The following SLC25A38 variants were observed in gnomAD, a reference collection of about 807,000 sequenced individuals.
SLC25A38 encodes solute carrier family 25 member 38.
Under a neutral mutation model 33.4 loss-of-function variants are expected in SLC25A38, and 27 were observed. That is an observed-to-expected ratio of 0.81 (90% CI 0.60 to 1.11). SLC25A38 has a LOEUF of 1.11. SLC25A38 is among the 50% of genes most tolerant of loss of function. SLC25A38 has a pLI of 0.00. For synonymous variants in SLC25A38, 123 were observed against 145.9 expected (o/e 0.84, Z 1.13); for missense variants, 344 against 388.8 (o/e 0.88, Z 0.97).
chr3:39,392,138 A>G (rs1473173625), intron 5 of SLC25A38, 117 bp downstream of exon 5: 2 of 1,353,146 alleles, frequency 1.5e-6, no homozygotes, highest in Non-Finnish European at 2.1e-6. Flanking sequence ...ACTGAGCCAT[A>G]TCATGATTGT....
chr3:39,385,550 A>C (rs1352402887), intron 1 of SLC25A38, among the ~76,000 whole-genome samples: 1 of 152,098 alleles, frequency 6.6e-6, no homozygotes, highest in Non-Finnish European at 1.5e-5. Context: ...AGGGGCCTGG[A>C]GAGAGGTGGG....
Position 39,396,681 on chromosome 3 carries a change from A to G in SLC25A38, c.*161A>G, listed in dbSNP as rs2041834377. ...AGTAATCCCCTTAAGGAGAAAATAT[A>G]TGGACCTGATTTCAGCCTTCAGAAT... On this transcript the variant is annotated 3_prime_UTR_variant, in exon 7 of 7. Coordinates refer to ENST00000650617, the MANE Select transcript of SLC25A38 (RefSeq NM_017875.4). 1 of 1,108,048 alleles carries G rather than the reference A, an allele frequency of 9.0e-7. No homozygotes were observed. The highest frequency in any genetic ancestry group is 1.3e-6 in the Non-Finnish European group (1 of 752,030). 68.6% of individuals were successfully genotyped at this position (1,108,048 alleles called of 1,614,324 possible). A position where few individuals can be genotyped will look rare whatever the true frequency, so the allele number is the denominator to read the frequency against.
rs1286175778 is a variant in SLC25A38, at chr3:39,389,634, T to C, written c.191+18T>C. ...GATCATGGGTAGGCCCTGCATTTCATTGGGGAACTGATTTCAGCAACTTCT... is the reference window on the plus strand; with the variant it reads ...GATCATGGGTAGGCCCTGCATTTCACTGGGGAACTGATTTCAGCAACTTCT... On this transcript the variant is annotated intron_variant, in intron 2 of 6. Transcript: ENST00000650617. This position sits in a 1 kb window ranked among gnomAD's most constrained non-coding sequence, Gnocchi z 4.5. 9.9e-6 allele frequency: 16 copies of C among 1,614,068 alleles called. No individual in the cohort carries two copies. The highest frequency in any genetic ancestry group is 5.3e-5 in the African/African-American group (4 of 74,942).
chr3:39,391,464 C>T lies in SLC25A38; in HGVS notation c.300C>T (p.Gly100=), dbSNP rs1376794834. ...MSPSIVRCVP[G]VGIYFGTLYS... ...AGTCCATTGTGAGATGTGTCCCTGGCGTTGGAATCTACTTTGGCACTCTCT... is the reference window on the plus strand; with the variant it reads ...AGTCCATTGTGAGATGTGTCCCTGGTGTTGGAATCTACTTTGGCACTCTCT... Residue 100 remains glycine, a synonymous_variant, in exon 4 of 7, where the codon GGC becomes GGT. Transcript: ENST00000650617. 19 of 1,613,882 alleles carry T rather than the reference C, an allele frequency of 1.2e-5. No individual in the cohort carries two copies. Among genetic ancestry groups the T allele is most frequent in the Admixed American group, 5.0e-5 (3 of 60,024 alleles).
Position 39,383,551 on chromosome 3 carries a change from G to A in SLC25A38, c.-174G>A. 2 of 673,462 alleles carry A rather than the reference G, an allele frequency of 3.0e-6. No homozygotes were observed. The highest frequency in any genetic ancestry group is 1.8e-5 in the South Asian group (1 of 55,606). The allele number at this position is 673,462 out of a possible 1,614,324, so 41.7% of individuals were successfully genotyped here. On this transcript the variant is annotated 5_prime_UTR_variant, in exon 1 of 7. Coordinates refer to ENST00000650617, the MANE Select transcript of SLC25A38 (RefSeq NM_017875.4). ...CGCGCCCGCAGCCCCTGGACTAGCA[G>A]GATCCGAACCCCGGCGGCTGCGTGC... is the stretch of plus-strand genomic sequence containing the variant.
Position 39,389,443 on chromosome 3 carries a change from G to A in SLC25A38, c.70-52G>A. ...AATTTGCTGGTCAGGTATAGAGAAA[G>A]GTGAGGCTCACACAGGCAGAGCTAC... is the stretch of plus-strand genomic sequence containing the variant. On this transcript the variant is annotated intron_variant, in intron 1 of 6. Coordinates refer to ENST00000650617, the MANE Select transcript of SLC25A38 (RefSeq NM_017875.4). The surrounding 1 kb of genome is among the most constrained non-coding windows in gnomAD (Gnocchi z 4.5). The A allele has an allele frequency of 6.2e-7, 1 of 1,614,094 alleles. No homozygotes were observed. The highest frequency in any genetic ancestry group is 2.2e-5 in the East Asian group (1 of 44,886).
chr3:39,390,075 G>C (rs1048743466), intron 2 of SLC25A38, among the ~76,000 whole-genome samples: 8 of 152,122 alleles, frequency 5.3e-5, no homozygotes, highest in Admixed American at 2.6e-4. Context: ...CAGGTAGCTG[G>C]GATTGCAGGT....
chr3:39,389,402 G>C lies in SLC25A38; in HGVS notation c.70-93G>C. ...GAGGCACCACCAGGTAAGTGTCTAA[G>C]AGACCATTATAAAGGAATTTGCTGG... On this transcript the variant is annotated intron_variant, in intron 1 of 6. Coordinates refer to ENST00000650617, the MANE Select transcript of SLC25A38 (RefSeq NM_017875.4). The surrounding 1 kb of genome is among the most constrained non-coding windows in gnomAD (Gnocchi z 4.5). 6.3e-7 allele frequency: 1 copy of C among 1,596,016 alleles called. No homozygotes were observed. Among genetic ancestry groups the C allele is most frequent in the Non-Finnish European group, 8.6e-7 (1 of 1,164,952 alleles).
At chr3:39,386,440 G>A (rs988199724) in intron 1 of SLC25A38, among the ~76,000 whole-genome samples, 1 of 152,140 alleles carries the variant, frequency 6.6e-6, no homozygotes, top group African/African-American at 2.4e-5. Context: ...TGGGCACGGT[G>A]ACACACACCT....
In SLC25A38 at chr3:39,397,134, T is replaced by C. The variant is rs1208507525; in HGVS notation, c.*614T>C. On this transcript the variant is annotated 3_prime_UTR_variant, in exon 7 of 7. Coordinates refer to ENST00000650617, the MANE Select transcript of SLC25A38 (RefSeq NM_017875.4). ...TTTTTGGTCTTGGCCCCTGTACTGT[T>C]TTACCTCTAAATTCTGGCATTTTTT... is the stretch of plus-strand genomic sequence containing the variant. 6.5e-6 allele frequency: 1 copy of C among 154,058 alleles called. No individual in the cohort carries two copies. The highest frequency in any genetic ancestry group is 1.9e-4 in the East Asian group (1 of 5,246). 9.5% of individuals were successfully genotyped at this position (154,058 alleles called of 1,614,324 possible). A position where few individuals can be genotyped will look rare whatever the true frequency, so the allele number is the denominator to read the frequency against.
chr3:39,384,805 T>A (rs2041691521), intron 1 of SLC25A38: 2 of 134,856 alleles, frequency 1.5e-5, no homozygotes, highest in East Asian at 1.0e-4. Context: ...TCTTTTTTCT[T>A]TTTTTTTTTT....
chr3:39,383,736 C>T lies in SLC25A38; in HGVS notation c.12C>T (p.Asn4=), dbSNP rs142420345. MIQ[N]SRPSLLQPQD... ...GGGCCTCATCTCCAATGATTCAGAA[C>T]TCACGTCCGTCGCTGCTGCAACCCC... Residue 4 remains asparagine, a synonymous_variant, in exon 1 of 7, where the codon AAC becomes AAT. Transcript: ENST00000650617. 6.9e-4 allele frequency: 1,112 copies of T among 1,614,194 alleles called. 3 individuals are homozygous for T. Among genetic ancestry groups the T allele is most frequent in the Middle Eastern group, 6.3e-3 (38 of 6,062 alleles).
intron 1 of SLC25A38, among the ~76,000 whole-genome samples, chr3:39,385,270 C>T (rs11914446): frequency 0.013 from 1,928 of 152,188 alleles, 42 homozygotes; most frequent in African/African-American, 0.044. Flanking sequence ...TAAATAACAT[C>T]TGCTCTGTGC....
intron 1 of SLC25A38, 49 bp downstream of exon 1, chr3:39,383,842 G>T (rs767296586): frequency 6.2e-7 from 1 of 1,605,474 alleles, no homozygotes; most frequent in East Asian, 2.2e-5. Flanking sequence ...CCGCGGGCTC[G>T]GGCCGGAGAA....
chr3:39,383,805 G>A lies in SLC25A38; in HGVS notation c.69+12G>A, dbSNP rs1057522681. ...TGGAAACGCTTATGGTGAGGGCACT[G>A]CGGGGAAGGAAGGGCAGGGGTCCGA... On this transcript the variant is annotated intron_variant, in intron 1 of 6. Transcript: ENST00000650617. 1.9e-6 allele frequency: 3 copies of A among 1,613,968 alleles called. No homozygotes were observed. The highest frequency in any genetic ancestry group is 1.6e-4 in the Middle Eastern group (1 of 6,082).
chr3:39,392,411 G>A (rs1031154771), intron 5 of SLC25A38, among the ~76,000 whole-genome samples: 7 of 152,090 alleles, frequency 4.6e-5, no homozygotes, highest in Admixed American at 1.3e-4. Flanking sequence ...TTTTCAAGAC[G>A]CACTTGATGT....
chr3:39,383,914 G>C, intron 1 of SLC25A38, 121 bp downstream of exon 1: 1 of 1,102,652 alleles, frequency 9.1e-7, no homozygotes, highest in Non-Finnish European at 1.4e-6. Context: ...TCAGGATTTA[G>C]GATGCGGCGG....
Position 39,389,253 on chromosome 3 carries a change from A to G in SLC25A38, c.70-242A>G. On this transcript the variant is annotated intron_variant, in intron 1 of 6. Transcript: ENST00000650617. The surrounding 1 kb of genome is among the most constrained non-coding windows in gnomAD (Gnocchi z 4.5). ...GGAAATAGTTTTGCTCCCACTGAGC[A>G]ATATGTCTATCAGCAATACGAAGAC... 1 of 709,370 alleles carries G rather than the reference A, an allele frequency of 1.4e-6. No homozygotes were observed. Among genetic ancestry groups the G allele is most frequent in the East Asian group, 2.7e-5 (1 of 37,220 alleles). 43.9% of individuals were successfully genotyped at this position (709,370 alleles called of 1,614,324 possible).
Position 39,383,696 on chromosome 3 carries a change from GC to G in SLC25A38, c.-26del. 1 of 1,613,806 alleles carries G rather than the reference GC, an allele frequency of 6.2e-7. No homozygotes were observed. The highest frequency in any genetic ancestry group is 8.5e-7 in the Non-Finnish European group (1 of 1,179,786). On this transcript the variant is annotated 5_prime_UTR_variant, in exon 1 of 7. Transcript: ENST00000650617. ...CAAGCGCCCGTCGACGGCACCCTGG[GC>G]CCAGAGGACTCGCGGGCCTCATCTC...
Sources: allele counts gnomAD v4.1 joint callset (sites outside exome capture counted in the v4.1 genomes callset), GRCh38; gene constraint gnomAD v4.1.1; non-coding constraint Gnocchi (gnomAD v3.1); transcripts MANE v1.5; gene names NCBI Gene and HGNC (gene_info 2026-07-23, HGNC 2026-07-21).